The following PARVA variants were observed in gnomAD, a reference collection of about 807,000 sequenced individuals.
PARVA encodes alpha-parvin.
Under a neutral mutation model 52.6 loss-of-function variants are expected in PARVA, and 25 were observed. The ratio of observed to expected loss-of-function variants is 0.48; its 90% CI spans 0.35 to 0.66. PARVA has a LOEUF of 0.66. PARVA is among the 30% of genes least tolerant of loss of function. The pLI, the probability that PARVA is intolerant of heterozygous loss-of-function variation, is 0.01. For synonymous variants in PARVA, 185 were observed against 179.1 expected, an observed-to-expected ratio of 1.03 and a Z score of -0.26; for missense variants, 373 against 450.9, an observed-to-expected ratio of 0.83 and a Z score of 1.56.
chr11:12,383,031 G>A (rs1398366937), intron 1 of PARVA, among the ~76,000 whole-genome samples: 1 of 152,124 alleles, frequency 6.6e-6, no homozygotes, highest in Admixed American at 6.5e-5. Context: ...TATGCCTGTG[G>A]GACACTATTT....
intron 12 of PARVA, among the ~76,000 whole-genome samples, chr11:12,524,571 G>A (rs541112007): frequency 6.6e-5 from 10 of 152,086 alleles, no homozygotes; most frequent in African/African-American, 1.2e-4. Context: ...TGATCTGCCC[G>A]TGCTGTTATT....
intron 1 of PARVA, among the ~76,000 whole-genome samples, chr11:12,390,197 A>G (rs925189983): frequency 1.3e-5 from 2 of 152,184 alleles, no homozygotes; most frequent in Non-Finnish European, 2.9e-5. Flanking sequence ...TGCCAATTGC[A>G]GTATTACATT....
chr11:12,426,092 G>C (rs952610314), intron 1 of PARVA, among the ~76,000 whole-genome samples: 1 of 152,166 alleles, frequency 6.6e-6, no homozygotes, highest in Non-Finnish European at 1.5e-5. Context: ...TCACAGTACC[G>C]GGGGAGACGT....
At chr11:12,482,415 A>G (rs1318583138) in intron 4 of PARVA, among the ~76,000 whole-genome samples, 1 of 152,068 alleles carries the variant, frequency 6.6e-6, no homozygotes, top group African/African-American at 2.4e-5. Context: ...TCATGAGGTC[A>G]GGAGTTCGAG....
At chr11:12,412,711 G>A (rs1299813950) in intron 1 of PARVA, among the ~76,000 whole-genome samples, 1 of 151,748 alleles carries the variant, frequency 6.6e-6, no homozygotes, top group Non-Finnish European at 1.5e-5. Context: ...AGGGACAAAA[G>A]ATCCTGAGAG....
intron 7 of PARVA, among the ~76,000 whole-genome samples, chr11:12,510,652 CTCT>C (rs1174821617): frequency 2.0e-5 from 3 of 152,158 alleles, no homozygotes; most frequent in Non-Finnish European, 2.9e-5. Context: ...AGGCAAAAGG[CTCT>C]TCTTACATGG....
chr11:12,463,823 C>T (rs923958702), intron 1 of PARVA, among the ~76,000 whole-genome samples: 30 of 152,164 alleles, frequency 2.0e-4, no homozygotes, highest in Admixed American at 7.2e-4. Flanking sequence ...GATTCACAGA[C>T]ATTTATTTTA....
intron 10 of PARVA, among the ~76,000 whole-genome samples, chr11:12,515,223 C>T (rs1000250668): frequency 3.9e-5 from 6 of 152,148 alleles, no homozygotes; most frequent in Non-Finnish European, 5.9e-5. Context: ...TATTTTGAGC[C>T]TGATGAATCC....
chr11:12,402,027 G>A (rs1296747512), intron 1 of PARVA, among the ~76,000 whole-genome samples: 1 of 152,222 alleles, frequency 6.6e-6, no homozygotes, highest in African/African-American at 2.4e-5. Context: ...TTCATGTAAA[G>A]TGTTATAACC....
intron 5 of PARVA, 46 bp downstream of exon 5, chr11:12,496,644 TC>T (rs1457827284): frequency 1.3e-6 from 2 of 1,579,948 alleles, no homozygotes. Flanking sequence ...ATGCCTGTGG[TC>T]CCTGCCATGG....
chr11:12,409,295 G>T (rs558040111), intron 1 of PARVA, among the ~76,000 whole-genome samples: 3 of 152,300 alleles, frequency 2.0e-5, no homozygotes, highest in Admixed American at 2.0e-4. Context: ...GAGACAGAAT[G>T]GTTATCTCCT....
At chr11:12,456,328 T>C (rs1036175475) in intron 1 of PARVA, among the ~76,000 whole-genome samples, 2 of 150,254 alleles carry the variant, frequency 1.3e-5, no homozygotes, top group Admixed American at 1.3e-4. Context: ...ATTCCCACTT[T>C]AGAGGGGGAA....
intron 1 of PARVA, among the ~76,000 whole-genome samples, chr11:12,389,828 C>T (rs1939631759): frequency 6.6e-6 from 1 of 152,216 alleles, no homozygotes; most frequent in South Asian, 2.1e-4. Context: ...ATTATCACAC[C>T]TGACACCTCA....
chr11:12,485,448 C>A (rs2135049391), intron 4 of PARVA, among the ~76,000 whole-genome samples: 1 of 152,208 alleles, frequency 6.6e-6, no homozygotes, highest in Non-Finnish European at 1.5e-5. Context: ...GAGCATCTTG[C>A]AGTACCAAAA....
At chr11:12,393,531 C>T (rs920278770) in intron 1 of PARVA, among the ~76,000 whole-genome samples, 2 of 152,128 alleles carry the variant, frequency 1.3e-5, no homozygotes, top group African/African-American at 4.8e-5. Flanking sequence ...GGGATCCAGG[C>T]CCCTTTCATC....
chr11:12,485,056 C>T (rs1367538895), intron 4 of PARVA, among the ~76,000 whole-genome samples: 2 of 152,124 alleles, frequency 1.3e-5, no homozygotes, highest in Non-Finnish European at 2.9e-5. Context: ...TCAAATGATT[C>T]ACCCACCTTG....
At chr11:12,508,122 A>AAAC (rs1554902276) in intron 6 of PARVA, among the ~76,000 whole-genome samples, 1 of 98,670 alleles carries the variant, frequency 1.0e-5, no homozygotes, top group Non-Finnish European at 2.1e-5. Flanking sequence ...AAAAAAAAAA[A>AAAC]CCAAAAAAAA....
At chr11:12,437,137 T>G (rs1940397544) in intron 1 of PARVA, among the ~76,000 whole-genome samples, 1 of 152,184 alleles carries the variant, frequency 6.6e-6, no homozygotes, top group Non-Finnish European at 1.5e-5. Context: ...TTTTATTATA[T>G]TTTTGCAAAG....
chr11:12,491,773 T>G (rs1941236839), intron 4 of PARVA, among the ~76,000 whole-genome samples: 1 of 152,212 alleles, frequency 6.6e-6, no homozygotes, highest in African/African-American at 2.4e-5. Context: ...TTTAACATAC[T>G]TCTCTTAATA....
Sources: allele counts gnomAD v4.1 joint callset (sites outside exome capture counted in the v4.1 genomes callset), GRCh38; gene constraint gnomAD v4.1.1; transcripts MANE v1.5; gene names NCBI Gene and HGNC (gene_info 2026-07-23, HGNC 2026-07-21).